The following SLC24A2 variants were observed in gnomAD, a reference collection of about 807,000 sequenced individuals.
The protein encoded by SLC24A2 is sodium/potassium/calcium exchanger 2.
SLC24A2 carries 36 observed loss-of-function variants against 62.0 expected under a neutral mutation model. That is an observed-to-expected ratio of 0.58 (90% CI 0.44 to 0.77). The LOEUF (loss-of-function observed/expected upper bound fraction) is 0.77, where lower values mean the gene tolerates loss of function less well. Ranked by LOEUF, SLC24A2 falls within the 30% of genes least tolerant of loss-of-function variation. The pLI is 0.00. For missense variants in SLC24A2, 846 were observed against 817.9 expected, an observed-to-expected ratio of 1.03 and a Z score of -0.42; for synonymous variants, 358 against 294.0, an observed-to-expected ratio of 1.22 and a Z score of -2.23.
the SLC24A2 span, among the ~76,000 whole-genome samples, chr9:20,004,893 A>G: frequency 1.4e-4 from 22 of 152,220 alleles, no homozygotes; most frequent in South Asian, 2.7e-3. Flanking sequence ...GAAAACTTGA[A>G]AACAATATCA....
chr9:20,186,437 T>G, the SLC24A2 span, among the ~76,000 whole-genome samples: 1 of 152,160 alleles, frequency 6.6e-6, no homozygotes, highest in Non-Finnish European at 1.5e-5. Context: ...CCATCTGTCT[T>G]CCTGGAGCCA....
chr9:19,526,991 C>G (rs1490903299), intron 9 of SLC24A2, among the ~76,000 whole-genome samples: 1 of 152,062 alleles, frequency 6.6e-6, no homozygotes, highest in Non-Finnish European at 1.5e-5. Context: ...ACATTTCAAA[C>G]TATGATGTGC....
chr9:20,206,451 C>CA, the SLC24A2 span, among the ~76,000 whole-genome samples: 170 of 151,892 alleles, frequency 1.1e-3, no homozygotes, highest in African/African-American at 3.9e-3. Context: ...GTAATTTTCC[C>CA]AAAAAAAGTT....
the SLC24A2 span, among the ~76,000 whole-genome samples, chr9:20,181,378 TC>T: frequency 5.9e-5 from 9 of 152,286 alleles, 1 homozygote; most frequent in South Asian, 1.9e-3. Flanking sequence ...GTAGATGACT[TC>T]AAACTATGCT....
chr9:19,981,556 GT>G, the SLC24A2 span, among the ~76,000 whole-genome samples: 5 of 152,020 alleles, frequency 3.3e-5, no homozygotes, highest in East Asian at 1.9e-4. Flanking sequence ...AAAATCCCCT[GT>G]ATCAGTGAAC....
chr9:19,799,144 T>C, the SLC24A2 span, among the ~76,000 whole-genome samples: 2 of 152,166 alleles, frequency 1.3e-5, no homozygotes, highest in Non-Finnish European at 2.9e-5. Context: ...TTTTCTTATA[T>C]TCAATTTCTT....
At chr9:19,955,950 A>T in the SLC24A2 span, among the ~76,000 whole-genome samples, 1 of 152,244 alleles carries the variant, frequency 6.6e-6, no homozygotes, top group African/African-American at 2.4e-5. Flanking sequence ...TCACTGTAAA[A>T]TACAAGAAAG....
At chr9:19,920,563 C>A in the SLC24A2 span, among the ~76,000 whole-genome samples, 4,879 of 152,144 alleles carry the variant, frequency 0.032, 87 homozygotes, top group Non-Finnish European at 0.041. Flanking sequence ...GCCAACGTAC[C>A]GCTATGGGCT....
the SLC24A2 span, among the ~76,000 whole-genome samples, chr9:19,932,766 T>C: frequency 0.013 from 1,986 of 152,270 alleles, 47 homozygotes; most frequent in African/African-American, 0.045. Flanking sequence ...AATATACATG[T>C]GCATAGGTCC....
At chr9:20,031,717 CCA>C in the SLC24A2 span, among the ~76,000 whole-genome samples, 1 of 152,070 alleles carries the variant, frequency 6.6e-6, no homozygotes, top group African/African-American at 2.4e-5. Flanking sequence ...TCCCAGGTCC[CCA>C]GGGATAGAAC....
At chr9:19,530,530 A>G (rs778573793) in intron 8 of SLC24A2, among the ~76,000 whole-genome samples, 1 of 152,244 alleles carries the variant, frequency 6.6e-6, no homozygotes, top group Non-Finnish European at 1.5e-5. Flanking sequence ...TAACTTCACA[A>G]GTCAGAATCA....
chr9:19,859,572 CT>C, the SLC24A2 span, among the ~76,000 whole-genome samples: 2 of 152,196 alleles, frequency 1.3e-5, no homozygotes, highest in East Asian at 3.9e-4. Flanking sequence ...CCCTTGCCCC[CT>C]GCAAGCACAC....
chr9:19,680,142 A>AC (rs34114216), intron 2 of SLC24A2, among the ~76,000 whole-genome samples: 106,581 of 151,882 alleles, frequency 0.7, 38,494 homozygotes, highest in East Asian at 0.94. Context: ...AGGGAAAGAC[A>AC]ATACAGAACT....
the SLC24A2 span, among the ~76,000 whole-genome samples, chr9:20,162,369 T>G: frequency 6.6e-6 from 1 of 151,716 alleles, no homozygotes; most frequent in East Asian, 1.9e-4. Context: ...AGTTCTAAAC[T>G]TGTATGAAGC....
At chr9:20,199,071 A>G in the SLC24A2 span, among the ~76,000 whole-genome samples, 3 of 152,216 alleles carry the variant, frequency 2.0e-5, no homozygotes, top group African/African-American at 7.2e-5. Flanking sequence ...ACCTTTTTCT[A>G]CAGAGAAAAA....
chr9:20,053,391 G>A, the SLC24A2 span, among the ~76,000 whole-genome samples: 1 of 151,520 alleles, frequency 6.6e-6, no homozygotes, highest in Non-Finnish European at 1.5e-5. Flanking sequence ...TGTCCATTTT[G>A]CATTTTCCTC....
In SLC24A2 at chr9:19,784,972, G is replaced by GT. The variant is rs142779069; in HGVS notation, c.930+964dup. Reference sequence around the variant, plus strand: ...TCTTTCACCCCCTGCTCAAATATCTGTTTTTTGCATATATGAGAATTTTCC... The same window carrying GT: ...TCTTTCACCCCCTGCTCAAATATCTGTTTTTTTGCATATATGAGAATTTTCC... On this transcript the variant is annotated intron_variant, in intron 2 of 10. Coordinates refer to ENST00000341998, the MANE Select transcript of SLC24A2 (RefSeq NM_020344.4). Among the ~76,000 whole-genome samples the GT allele has an allele frequency of 0.029, 4,345 of 152,094 alleles. 552 individuals are homozygous for GT. In the East Asian group the frequency reaches 0.43, roughly 15 times the overall value.
chr9:19,815,959 C>CCTTTT, the SLC24A2 span, among the ~76,000 whole-genome samples: 1 of 103,430 alleles, frequency 9.7e-6, no homozygotes, highest in African/African-American at 3.5e-5. Flanking sequence ...TTTTTTGCCC[C>CCTTTT]TTTTTTTTTT....
chr9:20,062,206 G>A, the SLC24A2 span, among the ~76,000 whole-genome samples: 17 of 152,182 alleles, frequency 1.1e-4, no homozygotes, highest in Non-Finnish European at 1.5e-4. Context: ...CTTAGCCTGC[G>A]TGACAGAGAA....
Sources: gnomAD v4.1 joint callset for allele counts (sites outside exome capture counted in the v4.1 genomes callset) on GRCh38, gnomAD v4.1.1 for gene constraint, MANE v1.5 for transcripts, NCBI Gene and HGNC (gene_info 2026-07-23, HGNC 2026-07-21) for gene names.